The following AFAP1 variants were observed in gnomAD, a reference collection of about 807,000 sequenced individuals.
AFAP1 encodes actin filament associated protein 1, also known as actin filament-associated protein 1.
Under a neutral mutation model 93.9 loss-of-function variants are expected in AFAP1, and 75 were observed. The ratio of observed to expected loss-of-function variants is 0.80; its 90% CI spans 0.66 to 0.97. The LOEUF (loss-of-function observed/expected upper bound fraction) is 0.97. Ranked by LOEUF, AFAP1 falls within the 50% of genes least tolerant of loss-of-function variation. AFAP1 has a pLI of 0.00. For synonymous variants in AFAP1, 517 were observed against 430.7 expected (o/e 1.20, Z -2.48); for missense variants, 1,201 against 1,050.8 (o/e 1.14, Z -1.98).
chr4:7,905,904 A>G (rs1311219050), intron 1 of AFAP1, among the ~76,000 whole-genome samples: 1 of 152,236 alleles, frequency 6.6e-6, no homozygotes, highest in African/African-American at 2.4e-5. Flanking sequence ...AGGGGGCTCC[A>G]TGCCGGGAAG....
At chr4:7,844,029 C>T (rs796076381) in intron 4 of AFAP1, among the ~76,000 whole-genome samples, 4 of 152,254 alleles carry the variant, frequency 2.6e-5, no homozygotes, top group African/African-American at 9.6e-5. Flanking sequence ...TCCTGTCCAT[C>T]CACTCGCCCT....
chr4:7,864,792 C>A (rs1410464975), intron 3 of AFAP1, among the ~76,000 whole-genome samples: 1 of 152,172 alleles, frequency 6.6e-6, no homozygotes, highest in Non-Finnish European at 1.5e-5. Flanking sequence ...GTTGATGATT[C>A]TCTGAGATGC....
Position 7,774,781 on chromosome 4 carries a change from T to G in AFAP1, c.2020A>C (p.Lys674Gln). ...ALRNRLAQLR[K>Q]ERKDLRAAIE... The stretch of plus-strand genomic sequence containing the variant: ...GCCGCTCGAAGGTCTTTTCTTTCCT[T>G]GCGGAGCTGGGCCAGCCTATTCCGC... The change falls in exon 15 of 18, where the codon AAG becomes CAG. Residue 674 changes from lysine (K) to glutamine (Q), a missense_variant. By Grantham distance (53) the Lys-to-Gln change is moderately conservative. Transcript: ENST00000420658. 1 of 1,614,232 alleles carries G rather than the reference T, an allele frequency of 6.2e-7. No homozygotes were observed. Among genetic ancestry groups the G allele is most frequent in the Non-Finnish European group, 8.5e-7 (1 of 1,180,042 alleles).
In AFAP1 at chr4:7,759,998, T is replaced by C. The variant is rs1472458694; in HGVS notation, c.*3767A>G. On this transcript the variant is annotated 3_prime_UTR_variant, in exon 18 of 18. Transcript: ENST00000420658. ...GCAAAATTTACATCCCCCCAAATAGTGGGTGAGTAGAATTAATAGCCTTTT... is the reference window on the plus strand; with the variant it reads ...GCAAAATTTACATCCCCCCAAATAGCGGGTGAGTAGAATTAATAGCCTTTT... 1 of 151,292 alleles carries C rather than the reference T, an allele frequency of 6.6e-6. No individual in the cohort carries two copies. Among genetic ancestry groups the C allele is most frequent in the East Asian group, 1.9e-4 (1 of 5,192 alleles). The allele number at this position is 151,292 out of a possible 1,614,324, so 9.4% of individuals were successfully genotyped here.
At chr4:7,845,398 G>T (rs928325822) in intron 4 of AFAP1, among the ~76,000 whole-genome samples, 14 of 151,122 alleles carry the variant, frequency 9.3e-5, no homozygotes, top group African/African-American at 2.7e-4. Context: ...CTCCAGCCTG[G>T]GCAACAGAAC....
chr4:7,914,894 C>A (rs1022838844), intron 1 of AFAP1, among the ~76,000 whole-genome samples: 3 of 151,896 alleles, frequency 2.0e-5, no homozygotes, highest in Non-Finnish European at 4.4e-5. Flanking sequence ...ATTATGGGCG[C>A]CCACCACCAC....
intron 1 of AFAP1, among the ~76,000 whole-genome samples, chr4:7,916,762 C>T (rs1720105402): frequency 6.6e-6 from 1 of 152,180 alleles, no homozygotes; most frequent in South Asian, 2.1e-4. Context: ...TCGGACCAGA[C>T]TCAGCAGAAA....
intron 9 of AFAP1, among the ~76,000 whole-genome samples, chr4:7,802,126 T>G (rs1719105866): frequency 2.0e-5 from 3 of 152,196 alleles, no homozygotes; most frequent in Admixed American, 6.5e-5. Flanking sequence ...ACTTACTAGG[T>G]ACACACTTAT....
rs762176899 is a variant in AFAP1, at chr4:7,809,618, G to A, written c.1050C>T (p.Thr350=). Reference sequence around the variant, plus strand: ...CTCCGGGAAGCGCAGTCTTACCGCAGGTGGGAACATCTTCCTCAGCTGAGG... The same window carrying A: ...CTCCGGGAAGCGCAGTCTTACCGCAAGTGGGAACATCTTCCTCAGCTGAGG... ...QTSSAEEDVP[T]CGYLNVLSNS... The change falls in exon 9 of 18, where the codon ACC becomes ACT. Residue 350 remains threonine (T), a synonymous_variant. Transcript: ENST00000420658. 4 of 1,612,226 alleles carry A rather than the reference G, an allele frequency of 2.5e-6. No individual in the cohort carries two copies. Among genetic ancestry groups the A allele is most frequent in the Non-Finnish European group, 2.5e-6 (3 of 1,179,544 alleles).
chr4:7,925,190 G>A (rs1720660344), intron 1 of AFAP1, among the ~76,000 whole-genome samples: 1 of 152,108 alleles, frequency 6.6e-6, no homozygotes, highest in South Asian at 2.1e-4. Context: ...TTAAATGAGG[G>A]GCTTCTCTCT....
intron 1 of AFAP1, among the ~76,000 whole-genome samples, chr4:7,872,674 T>C (rs1370627710): frequency 6.6e-6 from 1 of 152,208 alleles, no homozygotes; most frequent in Admixed American, 6.5e-5. Context: ...AAGACTGGAA[T>C]GCTGGCTTAG....
intron 6 of AFAP1, among the ~76,000 whole-genome samples, chr4:7,833,356 T>C (rs1167764261): frequency 6.6e-6 from 1 of 151,998 alleles, no homozygotes; most frequent in African/African-American, 2.4e-5. Context: ...AACAGACAAT[T>C]CTCAAAAGAA....
At chr4:7,816,600 G>C (rs1413376826) in intron 7 of AFAP1, among the ~76,000 whole-genome samples, 1 of 152,168 alleles carries the variant, frequency 6.6e-6, no homozygotes, top group Admixed American at 6.5e-5. Context: ...CCTTGGAGGG[G>C]GATGGGGGAC....
intron 1 of AFAP1, among the ~76,000 whole-genome samples, chr4:7,922,878 G>A (rs1445608290): frequency 6.6e-6 from 1 of 152,064 alleles, no homozygotes; most frequent in Non-Finnish European, 1.5e-5. Flanking sequence ...AGCTACTCAG[G>A]AGCTACTCAG....
intron 3 of AFAP1, chr4:7,862,326 C>T (rs1715804241): frequency 7.0e-6 from 1 of 143,876 alleles, no homozygotes; most frequent in Non-Finnish European, 1.5e-5. Context: ...GAATGAGACT[C>T]TGTCTCAAAA....
At chr4:7,844,594 C>T (rs1233419898) in intron 4 of AFAP1, among the ~76,000 whole-genome samples, 1 of 152,214 alleles carries the variant, frequency 6.6e-6, no homozygotes. Context: ...AAAAGGAGAC[C>T]ATCTCGTTGG....
chr4:7,850,005 C>T (rs772562061), intron 4 of AFAP1, among the ~76,000 whole-genome samples: 3 of 151,934 alleles, frequency 2.0e-5, no homozygotes, highest in African/African-American at 7.3e-5. Context: ...GGTAAAGGGA[C>T]GAGGAGAGAA....
At chr4:7,783,360 G>A (rs775341780) in intron 12 of AFAP1, among the ~76,000 whole-genome samples, 8 of 152,116 alleles carry the variant, frequency 5.3e-5, no homozygotes, top group Admixed American at 2.0e-4. Context: ...GGCTGGTCTC[G>A]AACTCCTGGC....
At chr4:7,843,055 A>T in intron 5 of AFAP1, 84 bp downstream of exon 5, 2 of 1,438,258 alleles carry the variant, frequency 1.4e-6, no homozygotes, top group Non-Finnish European at 1.9e-6. Flanking sequence ...TGCACAGCTG[A>T]TGTTAATGGT....
Sources: gnomAD v4.1 joint callset for allele counts (sites outside exome capture counted in the v4.1 genomes callset) on GRCh38, gnomAD v4.1.1 for gene constraint, MANE v1.5 for transcripts, NCBI Gene and HGNC (gene_info 2026-07-23, HGNC 2026-07-21) for gene names.